The following BTG4 variants were observed in gnomAD, a reference collection of about 807,000 sequenced individuals.
The protein encoded by BTG4 is protein BTG4.
BTG4 carries 10 observed loss-of-function variants against 19.3 expected under a neutral mutation model. That is an observed-to-expected ratio of 0.52 (90% CI 0.32 to 0.88). BTG4 has a LOEUF of 0.88. BTG4 is among the 40% of genes least tolerant of loss of function. BTG4 has a pLI of 0.04. For missense variants in BTG4, 238 were observed against 281.9 expected, an observed-to-expected ratio of 0.84 and a Z score of 1.11; for synonymous variants, 91 against 95.7, an observed-to-expected ratio of 0.95 and a Z score of 0.29.
At chr11:111,420,805 T>A in the BTG4 span, among the ~76,000 whole-genome samples, 2 of 152,132 alleles carry the variant, frequency 1.3e-5, no homozygotes. Context: ...AAAAATAAAC[T>A]AACAGGCCTT....
the BTG4 span, among the ~76,000 whole-genome samples, chr11:111,412,681 T>C: frequency 6.6e-6 from 1 of 152,170 alleles, no homozygotes; most frequent in Admixed American, 6.5e-5. Flanking sequence ...ATCCCCACTT[T>C]ATAGGAAAGA....
At chr11:111,406,914 T>G in the BTG4 span, among the ~76,000 whole-genome samples, 2 of 152,220 alleles carry the variant, frequency 1.3e-5, no homozygotes, top group Non-Finnish European at 2.9e-5. Flanking sequence ...GGAGCCTGCC[T>G]ACCTCATTTC....
At chr11:111,494,191 ACAAGTCC>A (rs1865584231), downstream of BTG4, among the ~76,000 whole-genome samples, 1 of 152,236 alleles carries the variant, frequency 6.6e-6, no homozygotes, top group Non-Finnish European at 1.5e-5. Context: ...AACAAAAAGA[ACAAGTCC>A]CCTGCTGAGA....
intron 5 of BTG4, among the ~76,000 whole-genome samples, chr11:111,474,938 A>C (rs1864313365): frequency 6.6e-6 from 1 of 152,120 alleles, no homozygotes; most frequent in African/African-American, 2.4e-5. Flanking sequence ...TTCTCTTGTA[A>C]AGTGCCTAAT....
At chr11:111,475,279 A>G (rs934464523) in intron 5 of BTG4, 1 of 152,362 alleles carries the variant, frequency 6.6e-6, no homozygotes, top group African/African-American at 2.4e-5. Flanking sequence ...TATTTGCCAC[A>G]GAGGTTGAGG....
chr11:111,440,316 G>A, the BTG4 span, among the ~76,000 whole-genome samples: 53 of 152,186 alleles, frequency 3.5e-4, no homozygotes, highest in Non-Finnish European at 3.4e-4. Flanking sequence ...CATTCTATTA[G>A]TCAAGCAGAT....
chr11:111,510,280 A>G (rs1193844526), intron 1 of BTG4, among the ~76,000 whole-genome samples: 2 of 152,178 alleles, frequency 1.3e-5, no homozygotes, highest in Non-Finnish European at 2.9e-5. Flanking sequence ...AATTAAGTCA[A>G]TATAAATGTG....
chr11:111,493,425 C>T (rs1865537768), downstream of BTG4, among the ~76,000 whole-genome samples: 1 of 152,178 alleles, frequency 6.6e-6, no homozygotes. Context: ...TGAAATGTTA[C>T]CAGAAATTCT....
chr11:111,494,051 T>C (rs12281721), downstream of BTG4, among the ~76,000 whole-genome samples: 11,680 of 151,992 alleles, frequency 0.077, 767 homozygotes, highest in African/African-American at 0.18. Flanking sequence ...GGATCCAGAA[T>C]CACCTAACAG....
chr11:111,422,257 C>T, the BTG4 span, among the ~76,000 whole-genome samples: 2 of 152,270 alleles, frequency 1.3e-5, no homozygotes, highest in Admixed American at 1.3e-4. Flanking sequence ...TCAATCTCAA[C>T]CTAAATATTC....
At chr11:111,493,610 T>C (rs887235217), downstream of BTG4, among the ~76,000 whole-genome samples, 3 of 152,120 alleles carry the variant, frequency 2.0e-5, no homozygotes, top group South Asian at 6.2e-4. Context: ...AGGAGATGGT[T>C]TGCTGAGGGG....
chr11:111,488,511 G>A (rs1865203011), intron 5 of BTG4, among the ~76,000 whole-genome samples: 1 of 152,124 alleles, frequency 6.6e-6, no homozygotes, highest in Non-Finnish European at 1.5e-5. Context: ...AGAAAACATT[G>A]GGAACATGTT....
At chr11:111,409,523 A>T in the BTG4 span, among the ~76,000 whole-genome samples, 1 of 152,008 alleles carries the variant, frequency 6.6e-6, no homozygotes, top group African/African-American at 2.4e-5. Flanking sequence ...TTCCTCTTTG[A>T]CCTTCTCTGC....
At chr11:111,397,033 T>C in the BTG4 span, 1 of 152,200 alleles carries the variant, frequency 6.6e-6, no homozygotes, top group African/African-American at 2.4e-5. Context: ...TTCAAAGAAA[T>C]GAAACTAGGG....
chr11:111,396,102 T>C, the BTG4 span, among the ~76,000 whole-genome samples: 1 of 152,216 alleles, frequency 6.6e-6, no homozygotes, highest in African/African-American at 2.4e-5. Flanking sequence ...TAGCAAATGA[T>C]ACTTGAGACT....
At chr11:111,485,690 C>T (rs1050463880) in intron 5 of BTG4, among the ~76,000 whole-genome samples, 13 of 152,040 alleles carry the variant, frequency 8.6e-5, no homozygotes, top group East Asian at 3.9e-4. Context: ...CCTTGAAGAA[C>T]TAGAAAAGCA....
chr11:111,411,177 G>A, the BTG4 span, among the ~76,000 whole-genome samples: 11 of 152,096 alleles, frequency 7.2e-5, no homozygotes, highest in Admixed American at 2.0e-4. Flanking sequence ...CCACTTGGGC[G>A]GAGTCTCAAG....
At chr11:111,456,673 G>A in the BTG4 span, 8 of 395,270 alleles carry the variant, frequency 2.0e-5, no homozygotes, top group African/African-American at 1.2e-4. This position sits in a 1 kb window ranked among gnomAD's most constrained non-coding sequence, Gnocchi z 4.2. Flanking sequence ...GGTGCTGCCC[G>A]AGGCTGGACA....
chr11:111,411,838 T>C, the BTG4 span, among the ~76,000 whole-genome samples: 1 of 152,246 alleles, frequency 6.6e-6, no homozygotes, highest in Non-Finnish European at 1.5e-5. Context: ...TTTATTTCTA[T>C]ATTCCTTAGC....
Sources: allele counts gnomAD v4.1 joint callset (sites outside exome capture counted in the v4.1 genomes callset), GRCh38; gene constraint gnomAD v4.1.1; non-coding constraint Gnocchi (gnomAD v3.1); transcripts MANE v1.5; gene names NCBI Gene and HGNC (gene_info 2026-07-23, HGNC 2026-07-21).